The following WDFY2 variants were observed in gnomAD, a reference collection of about 807,000 sequenced individuals.
WDFY2 encodes the protein WD repeat and FYVE domain-containing protein 2.
WDFY2 carries 36 observed loss-of-function variants against 56.4 expected under a neutral mutation model. The ratio of observed to expected loss-of-function variants is 0.64; its 90% CI spans 0.49 to 0.84. WDFY2 has a LOEUF of 0.84. WDFY2 is among the 40% of genes least tolerant of loss of function. The pLI is 0.00. For missense variants in WDFY2, 444 were observed against 512.2 expected (o/e 0.87, Z 1.29); for synonymous variants, 176 against 183.7 (o/e 0.96, Z 0.34).
intron 10 of WDFY2, among the ~76,000 whole-genome samples, chr13:51,757,438 A>G (rs770222790): frequency 6.7e-6 from 1 of 149,532 alleles, no homozygotes; most frequent in African/African-American, 2.5e-5. Context: ...TATCCTGCAG[A>G]TTTAGCTATA....
rs189352840 is a variant in WDFY2, at chr13:51,636,391, G to A, written c.138-24205G>A. On this transcript the variant is annotated intron_variant, in intron 1 of 11. Transcript: ENST00000298125. ...CTATGATCAGCCCTCAGTTAACCTG[G>A]GAAGTGCCAGTTCTAGCAGAGAGGC... Among the ~76,000 whole-genome samples the A allele has an allele frequency of 2.4e-4, 37 of 152,286 alleles. No individual in the cohort carries two copies. In the East Asian group the frequency reaches 7.1e-3, roughly 29 times the overall value.
At chr13:51,651,918 G>A (rs527578380) in intron 1 of WDFY2, among the ~76,000 whole-genome samples, 54 of 152,074 alleles carry the variant, frequency 3.6e-4, no homozygotes, top group Non-Finnish European at 5.0e-4. Flanking sequence ...TATTAGGTCC[G>A]CTTGGTGCAG....
intron 1 of WDFY2, among the ~76,000 whole-genome samples, chr13:51,585,570 G>GAGTGGAA (rs1953920969): frequency 6.6e-6 from 1 of 152,118 alleles, no homozygotes; most frequent in Non-Finnish European, 1.5e-5. Flanking sequence ...TCTCTGTTTT[G>GAGTGGAA]CGTTTTCGCT....
At chr13:51,759,706 T>C (rs1288073482) in intron 11 of WDFY2, 34 bp from the exon 12 acceptor site, 2 of 1,612,132 alleles carry the variant, frequency 1.2e-6, no homozygotes, top group Non-Finnish European at 1.7e-6. Context: ...AACACAATTT[T>C]AGTTCATTCT....
chr13:51,643,245 T>A (rs935224762), intron 1 of WDFY2, among the ~76,000 whole-genome samples: 1 of 152,288 alleles, frequency 6.6e-6, no homozygotes, highest in East Asian at 1.9e-4. Context: ...CACTCCTTGT[T>A]CCCCTTCCCC....
chr13:51,749,334 A>G (rs1012372587), intron 7 of WDFY2, among the ~76,000 whole-genome samples: 44 of 152,322 alleles, frequency 2.9e-4, no homozygotes, highest in African/African-American at 1.0e-3. Flanking sequence ...CAAAAAGTTC[A>G]AGAACCACTG....
intron 6 of WDFY2, among the ~76,000 whole-genome samples, chr13:51,734,996 G>T (rs560837044): frequency 1.1e-4 from 16 of 152,322 alleles, no homozygotes; most frequent in East Asian, 7.7e-4. Flanking sequence ...TGGAATGCAG[G>T]GTAGCTGAAG....
intron 1 of WDFY2, among the ~76,000 whole-genome samples, chr13:51,637,174 G>A (rs549129803): frequency 9.2e-5 from 14 of 152,290 alleles, no homozygotes; most frequent in African/African-American, 3.1e-4. Flanking sequence ...GCATGTGCAG[G>A]GACATAGAGG....
At chr13:51,651,954 T>G (rs1955397390) in intron 1 of WDFY2, among the ~76,000 whole-genome samples, 1 of 152,200 alleles carries the variant, frequency 6.6e-6, no homozygotes, top group South Asian at 2.1e-4. Flanking sequence ...CTGGATATCC[T>G]TGTTAACTTT....
chr13:51,750,912 A>G (rs1277735535), intron 7 of WDFY2, among the ~76,000 whole-genome samples: 1 of 152,196 alleles, frequency 6.6e-6, no homozygotes, highest in Non-Finnish European at 1.5e-5. Context: ...GATGACCTCC[A>G]AAACTCTTCA....
intron 7 of WDFY2, among the ~76,000 whole-genome samples, chr13:51,744,556 A>G (rs1300956912): frequency 1.3e-5 from 2 of 152,176 alleles, no homozygotes; most frequent in Non-Finnish European, 2.9e-5. Flanking sequence ...TTCATTTTGC[A>G]CTAGTCCCTC....
chr13:51,759,690 A>G (rs750510564), intron 11 of WDFY2, 50 bp from the exon 12 acceptor site: 1 of 1,600,592 alleles, frequency 6.2e-7, no homozygotes, highest in Non-Finnish European at 8.6e-7. Flanking sequence ...AAGGACTGTT[A>G]TCCTCAACAC....
intron 4 of WDFY2, 36 bp from the exon 5 acceptor site, chr13:51,719,162 G>A: frequency 6.2e-7 from 1 of 1,613,918 alleles, no homozygotes; most frequent in Non-Finnish European, 8.5e-7. Context: ...TCCTTAGGAT[G>A]CTTTATAGGT....
intron 1 of WDFY2, among the ~76,000 whole-genome samples, chr13:51,621,559 A>G (rs951057609): frequency 1.3e-5 from 2 of 152,216 alleles, no homozygotes; most frequent in Admixed American, 6.5e-5. Flanking sequence ...TTAAAGGGGT[A>G]TCAGTTACCT....
chr13:51,715,624 A>G (rs1005252630), intron 4 of WDFY2, among the ~76,000 whole-genome samples: 1 of 152,202 alleles, frequency 6.6e-6, no homozygotes, highest in Non-Finnish European at 1.5e-5. Context: ...AAATATATAT[A>G]TAAATAGAAG....
chr13:51,591,665 G>C (rs1954046545), intron 1 of WDFY2: 1 of 152,168 alleles, frequency 6.6e-6, no homozygotes, highest in Non-Finnish European at 1.5e-5. Flanking sequence ...TAAGATCCTA[G>C]TTGTGACCGT....
At chr13:51,658,905 A>ATTAT (rs909608669) in intron 1 of WDFY2, among the ~76,000 whole-genome samples, 6 of 151,722 alleles carry the variant, frequency 4.0e-5, no homozygotes, top group Non-Finnish European at 7.4e-5. Flanking sequence ...TTTCCTACTA[A>ATTAT]TTATTTATTT....
intron 8 of WDFY2, chr13:51,753,225 C>T (rs1009453951): frequency 6.6e-6 from 1 of 152,152 alleles, no homozygotes; most frequent in African/African-American, 2.4e-5. Context: ...ACAAGGTGAA[C>T]ACGATAGGTT....
At chr13:51,591,561 A>G (rs541269850) in intron 1 of WDFY2, 3 of 152,320 alleles carry the variant, frequency 2.0e-5, no homozygotes, top group Admixed American at 1.3e-4. Flanking sequence ...ACTCTCTCAC[A>G]CATAGACACA....
Sources: allele counts gnomAD v4.1 joint callset (sites outside exome capture counted in the v4.1 genomes callset), GRCh38; gene constraint gnomAD v4.1.1; transcripts MANE v1.5; gene names NCBI Gene and HGNC (gene_info 2026-07-23, HGNC 2026-07-21).